The following HACE1 variants were observed in gnomAD, a reference collection of about 807,000 sequenced individuals.
HACE1 encodes E3 ubiquitin-protein ligase HACE1.
Under a neutral mutation model 118.4 loss-of-function variants are expected in HACE1, and 73 were observed. That is an observed-to-expected ratio of 0.62 (90% CI 0.51 to 0.75). The LOEUF (loss-of-function observed/expected upper bound fraction) is 0.75. Ranked by LOEUF, HACE1 falls within the 30% of genes least tolerant of loss-of-function variation. The pLI, the probability that HACE1 is intolerant of heterozygous loss-of-function variation, is 0.00. For synonymous variants in HACE1, 368 were observed against 374.8 expected, an observed-to-expected ratio of 0.98 and a Z score of 0.21; for missense variants, 749 against 1,102.2, an observed-to-expected ratio of 0.68 and a Z score of 4.54.
chr6:104,766,781 C>T (rs1016135314), intron 19 of HACE1: 2 of 152,162 alleles, frequency 1.3e-5, no homozygotes, highest in African/African-American at 4.8e-5. Context: ...AGTTATTTAA[C>T]GTCTAAAGAA....
At chr6:104,795,285 C>A (rs1057413006) in intron 10 of HACE1, among the ~76,000 whole-genome samples, 2 of 152,122 alleles carry the variant, frequency 1.3e-5, no homozygotes, top group South Asian at 4.1e-4. Context: ...TTTCTCAATT[C>A]TTCTTCATGT....
At chr6:104,857,660 A>T (rs1472204575) in intron 1 of HACE1, among the ~76,000 whole-genome samples, 1 of 152,026 alleles carries the variant, frequency 6.6e-6, no homozygotes, top group African/African-American at 2.4e-5. Flanking sequence ...ATACAAAAAA[A>T]AAAAAACATT....
At chr6:104,788,362 T>C (rs575832655) in intron 11 of HACE1, among the ~76,000 whole-genome samples, 1 of 152,240 alleles carries the variant, frequency 6.6e-6, no homozygotes, top group African/African-American at 2.4e-5. Context: ...AACAATGATA[T>C]GCCAATCATA....
chr6:104,759,432 C>T (rs1779084212), intron 19 of HACE1, among the ~76,000 whole-genome samples: 1 of 152,170 alleles, frequency 6.6e-6, no homozygotes, highest in South Asian at 2.1e-4. Context: ...AACTGAACAA[C>T]GCGCTCCTGA....
At chr6:104,737,301 A>T (rs9404577) in intron 22 of HACE1, among the ~76,000 whole-genome samples, 1 of 151,224 alleles carries the variant, frequency 6.6e-6, no homozygotes, top group Non-Finnish European at 1.5e-5. Context: ...AAAAAAAAAA[A>T]AAAAAAGAAA....
At chr6:104,827,455 C>G (rs1328133626) in intron 6 of HACE1, among the ~76,000 whole-genome samples, 1 of 152,080 alleles carries the variant, frequency 6.6e-6, no homozygotes, top group African/African-American at 2.4e-5. Flanking sequence ...TCCACCTTCA[C>G]CTATTGAGAA....
chr6:104,772,396 TACACATACAC>T (rs1175673822), intron 17 of HACE1, among the ~76,000 whole-genome samples: 3 of 151,994 alleles, frequency 2.0e-5, no homozygotes, highest in Non-Finnish European at 4.4e-5. Flanking sequence ...CATATACACA[TACACATACAC>T]ACACACACAC....
At chr6:104,858,947 G>C (rs1484160625) in intron 1 of HACE1, among the ~76,000 whole-genome samples, 3 of 152,128 alleles carry the variant, frequency 2.0e-5, no homozygotes, top group African/African-American at 7.2e-5. Context: ...ATGCGTCCTA[G>C]TTACCAGCTA....
At chr6:104,770,458 CCT>C (rs1780487391) in intron 19 of HACE1, among the ~76,000 whole-genome samples, 1 of 152,046 alleles carries the variant, frequency 6.6e-6, no homozygotes, top group Non-Finnish European at 1.5e-5. Flanking sequence ...GTGGCTCATA[CCT>C]GTAATCCCAG....
chr6:104,729,906 T>C, intron 23 of HACE1, 142 bp from the exon 24 acceptor site: 1 of 655,258 alleles, frequency 1.5e-6, no homozygotes, highest in Non-Finnish European at 2.7e-6. Context: ...CCTAAAGTGG[T>C]ATTTAAAAAG....
intron 6 of HACE1, chr6:104,824,941 G>A (rs1773154889): frequency 6.6e-6 from 1 of 151,928 alleles, no homozygotes; most frequent in Admixed American, 6.6e-5. Flanking sequence ...AAATTAGCCG[G>A]GCGTGGTGGC....
At chr6:104,762,850 CA>C in intron 19 of HACE1, among the ~76,000 whole-genome samples, 1 of 151,860 alleles carries the variant, frequency 6.6e-6, no homozygotes, top group East Asian at 1.9e-4. Context: ...ATTAGCCTGG[CA>C]TGATGGTGGA....
intron 17 of HACE1, among the ~76,000 whole-genome samples, chr6:104,774,866 T>C (rs1781059906): frequency 6.6e-6 from 1 of 152,198 alleles, no homozygotes; most frequent in African/African-American, 2.4e-5. Context: ...AACAAGTTCT[T>C]TAAAAAATTA....
At chr6:104,735,319 T>C (rs1775694174) in intron 22 of HACE1, among the ~76,000 whole-genome samples, 1 of 152,018 alleles carries the variant, frequency 6.6e-6, no homozygotes, top group African/African-American at 2.4e-5. Flanking sequence ...AAAAACTATA[T>C]AAAATAAATT....
chr6:104,785,770 T>A (rs1214287733), intron 11 of HACE1: 1 of 157,142 alleles, frequency 6.4e-6, no homozygotes, highest in Non-Finnish European at 1.4e-5. Flanking sequence ...CACTCAACAT[T>A]TTCTGTATTA....
At chr6:104,828,963 T>C (rs1472097486) in intron 6 of HACE1, among the ~76,000 whole-genome samples, 2 of 152,060 alleles carry the variant, frequency 1.3e-5, no homozygotes, top group Non-Finnish European at 2.9e-5. Flanking sequence ...AAAATGAGAT[T>C]AGAAGGCGAA....
intron 1 of HACE1, among the ~76,000 whole-genome samples, 173 bp from the exon 2 acceptor site, chr6:104,852,544 T>A (rs913105003): frequency 5.3e-5 from 8 of 152,186 alleles, no homozygotes; most frequent in Admixed American, 2.6e-4. Context: ...TAGTGAAGAA[T>A]CTTTCATCCC....
chr6:104,737,337 A>G (rs554815886), intron 22 of HACE1, among the ~76,000 whole-genome samples: 2 of 151,384 alleles, frequency 1.3e-5, no homozygotes, highest in Non-Finnish European at 1.5e-5. Context: ...CAAGATGGCC[A>G]AATAGGAACA....
At chr6:104,790,100 C>T (rs915376890) in intron 11 of HACE1, among the ~76,000 whole-genome samples, 2 of 151,752 alleles carry the variant, frequency 1.3e-5, no homozygotes, top group African/African-American at 4.8e-5. Flanking sequence ...AATACACACT[C>T]AACGTGCACA....
Sources: gnomAD v4.1 joint callset for allele counts (sites outside exome capture counted in the v4.1 genomes callset) on GRCh38, gnomAD v4.1.1 for gene constraint, MANE v1.5 for transcripts, NCBI Gene and HGNC (gene_info 2026-07-23, HGNC 2026-07-21) for gene names.